ZC3H4: variants seen among roughly 807,000 people sequenced by gnomAD.
ZC3H4 encodes the protein zinc finger CCCH domain-containing protein 4.
A neutral mutation model predicts 108.3 loss-of-function variants in ZC3H4; 13 were observed. The ratio of observed to expected loss-of-function variants is 0.12; its 90% CI spans 0.08 to 0.19. The LOEUF is 0.19. ZC3H4 is among the 10% of genes least tolerant of loss of function. The pLI is 1.00. For synonymous variants in ZC3H4, 917 were observed against 749.6 expected (o/e 1.22, Z -3.65); for missense variants, 1,734 against 1,838.8 (o/e 0.94, Z 1.04).
At chr19:47,098,824 G>A (rs2057863280) in intron 2 of ZC3H4, among the ~76,000 whole-genome samples, 2 of 152,164 alleles carry the variant, frequency 1.3e-5, no homozygotes, top group African/African-American at 4.8e-5. Context: ...TATTTCAAAG[G>A]AGATATTTCA....
chr19:47,108,568 T>G (rs2057996764), intron 2 of ZC3H4, among the ~76,000 whole-genome samples: 1 of 152,180 alleles, frequency 6.6e-6, no homozygotes, highest in Non-Finnish European at 1.5e-5. Flanking sequence ...AGGCCCAATA[T>G]GAAATTGCTC....
At chr19:47,081,467 T>C (rs757256379) in intron 11 of ZC3H4, 46 bp downstream of exon 11, 1 of 1,468,308 alleles carries the variant, frequency 6.8e-7, no homozygotes, top group Non-Finnish European at 9.5e-7. Flanking sequence ...GGAGTGCGCA[T>C]GTCCCAGTTC....
chr19:47,072,874 T>C lies in ZC3H4; in HGVS notation c.1441-161A>G, dbSNP rs1438339933. On this transcript the variant is annotated intron_variant, in intron 11 of 14. Coordinates refer to ENST00000253048, the MANE Select transcript of ZC3H4 (RefSeq NM_015168.2). The surrounding 1 kb of genome is among the most constrained non-coding windows in gnomAD (Gnocchi z 5.6). ...AATGGCTCTGTAACAAAAATCATCA[T>C]CAGCCACCTCTCTGCTCCACTCTCG... Among the ~76,000 whole-genome samples the C allele has an allele frequency of 6.6e-6, 1 of 152,004 alleles. No individual in the cohort carries two copies. Among genetic ancestry groups the C allele is most frequent in the African/African-American group, 2.4e-5 (1 of 41,368 alleles).
At chr19:47,073,067 G>A (rs1404161829) in intron 11 of ZC3H4, among the ~76,000 whole-genome samples, 2 of 152,170 alleles carry the variant, frequency 1.3e-5, no homozygotes, top group African/African-American at 2.4e-5. Flanking sequence ...GAGGCCAGGA[G>A]TTCAAGACCA....
chr19:47,069,304 C>T lies in ZC3H4; in HGVS notation c.2186G>A (p.Gly729Glu), dbSNP rs757385892. 5 of 1,613,736 alleles carry T rather than the reference C, an allele frequency of 3.1e-6. No individual in the cohort carries two copies. In the Admixed American group the frequency reaches 6.7e-5, roughly 22 times the overall value. The change falls in exon 14 of 15, where the codon GGG (glycine) becomes GAG (glutamate). Residue 729 changes from glycine to glutamate, a missense_variant. By Grantham distance (98) the Gly-to-Glu change is moderately conservative. This residue lies in a region of ZC3H4 where 540 missense variants were observed against 484.1 expected (regional missense o/e 1.12). Coordinates refer to ENST00000253048, the MANE Select transcript of ZC3H4 (RefSeq NM_015168.2). The stretch of plus-strand genomic sequence containing the variant: ...AGGGTGCTCAGGGAAGAGGTGCTCC[C>T]CAGGCTCCCCTGGCAGCTCTTCGTA... The part of the protein sequence containing the change: ...GHYEELPGEP[G>E]EHLFPEHPLE...
At chr19:47,078,557 T>G (rs963656108) in intron 11 of ZC3H4, among the ~76,000 whole-genome samples, 11 of 150,598 alleles carry the variant, frequency 7.3e-5, no homozygotes, top group African/African-American at 2.7e-4. Flanking sequence ...CCGGGGCGGG[T>G]GGATCACCTG....
At chr19:47,076,017 A>T (rs1184322416) in intron 11 of ZC3H4, among the ~76,000 whole-genome samples, 1 of 152,224 alleles carries the variant, frequency 6.6e-6, no homozygotes, top group Non-Finnish European at 1.5e-5. Context: ...CACAGTTTCC[A>T]ACAGTCAGTC....
Position 47,066,706 on chromosome 19 carries a change from G to A in ZC3H4, c.3562C>T (p.Pro1188Ser). 15 of 1,609,124 alleles carry A rather than the reference G, an allele frequency of 9.3e-6. No individual in the cohort carries two copies. The highest frequency in any genetic ancestry group is 1.2e-5 in the Non-Finnish European group (14 of 1,178,780). ...GKSSASKAKE[P>S]PFVRKSALEQ... ...AGGGCAGACTTGCGGACGAACGGGGGCTCCTTAGCCTTGGAGGCCGAGCTC... is the reference window on the plus strand; with the variant it reads ...AGGGCAGACTTGCGGACGAACGGGGACTCCTTAGCCTTGGAGGCCGAGCTC... Residue 1188 changes from proline (P) to serine (S), a missense_variant, in exon 15 of 15, where the codon CCC (proline) becomes TCC (serine). Pro to Ser is a moderately conservative substitution (Grantham distance 74). Coordinates refer to ENST00000253048, the MANE Select transcript of ZC3H4 (RefSeq NM_015168.2).
chr19:47,068,988 G>A (rs574386001), intron 14 of ZC3H4, 104 bp downstream of exon 14: 1 of 1,566,184 alleles, frequency 6.4e-7, no homozygotes, highest in East Asian at 2.2e-5. Flanking sequence ...CCCTAGCCAT[G>A]GGCTCCTTCC....
At position 47,112,511 on chromosome 19, in the gene ZC3H4, G is replaced by T; in HGVS notation, c.74C>A (p.Ser25Ter). The part of the protein sequence containing the change: ...SPPPPSPPPP[S>*]TPSPPPCSPD... ...GGAACACGGAGGAGGCGAAGGCGTT[G>T]ATGGCGGCGGCGGCGATGGCGGCGG... is the stretch of plus-strand genomic sequence containing the variant. Residue 25 changes from serine (S) to a stop codon, truncating the protein, a stop_gained, in exon 2 of 15, where the codon TCA (serine) becomes TAA (stop). Transcript: ENST00000253048. LOFTEE classifies it high-confidence loss of function. The T allele has an allele frequency of 9.1e-7, 1 of 1,102,588 alleles. No homozygotes were observed. Among genetic ancestry groups the T allele is most frequent in the Non-Finnish European group, 1.2e-6 (1 of 861,610 alleles). 68.3% of individuals were successfully genotyped at this position (1,102,588 alleles called of 1,614,324 possible).
intron 2 of ZC3H4, among the ~76,000 whole-genome samples, chr19:47,107,338 T>C (rs1208796693): frequency 6.6e-6 from 1 of 151,992 alleles, no homozygotes; most frequent in Non-Finnish European, 1.5e-5. Context: ...TGTGTGGGTG[T>C]CCCCAAATGC....
intron 4 of ZC3H4, among the ~76,000 whole-genome samples, chr19:47,092,643 CCT>C (rs1199594547): frequency 2.0e-5 from 3 of 151,812 alleles, no homozygotes; most frequent in African/African-American, 7.3e-5. Context: ...ATCGTGAAAC[CCT>C]GTCTCTACTA....
intron 4 of ZC3H4, among the ~76,000 whole-genome samples, chr19:47,092,811 C>T (rs558452223): frequency 1.7e-4 from 21 of 124,756 alleles, no homozygotes; most frequent in South Asian, 1.3e-3. Flanking sequence ...AGCAAGACTC[C>T]GTCTCAATAA....
chr19:47,112,816 G>A (rs1464053982), intron 1 of ZC3H4, among the ~76,000 whole-genome samples: 1 of 152,036 alleles, frequency 6.6e-6, no homozygotes, highest in Non-Finnish European at 1.5e-5. Context: ...GCTCACTGGC[G>A]CGGGGCCCTC....
intron 2 of ZC3H4, chr19:47,110,820 G>A: frequency 3.8e-6 from 3 of 786,074 alleles, no homozygotes; most frequent in Non-Finnish European, 3.1e-6. Flanking sequence ...GAGTCGGGCT[G>A]CGATGGGCTG....
chr19:47,093,189 C>G (rs1176279807), intron 4 of ZC3H4, among the ~76,000 whole-genome samples: 1 of 135,188 alleles, frequency 7.4e-6, no homozygotes, highest in African/African-American at 2.9e-5. Flanking sequence ...GTACTCCAGC[C>G]TGGGCGACAG....
chr19:47,069,471 G>T (rs2057287579), intron 13 of ZC3H4, 128 bp from the exon 14 acceptor site: 4 of 1,236,326 alleles, frequency 3.2e-6, no homozygotes, highest in East Asian at 5.1e-5. Flanking sequence ...GCCCCTGCCT[G>T]CCCTCCCCAG....
At position 47,086,396 on chromosome 19, in the gene ZC3H4, C is replaced by T. The variant is rs563366251; in HGVS notation, c.858G>A (p.Glu286=). 2 of 1,613,626 alleles carry T rather than the reference C, an allele frequency of 1.2e-6. No individual in the cohort carries two copies. Among genetic ancestry groups the T allele is most frequent in the South Asian group, 2.2e-5 (2 of 91,032 alleles). ...DHPEDEEDFY[E]EEMDYGESEE... is the part of the protein sequence containing the mutation. ...GAGGAAACCTTACGTCCATCTCTTC[C>T]TCGTAGAAATCCTCTTCATCCTCCG... Residue 286 remains glutamate (E), a synonymous_variant, in exon 6 of 15, where the codon GAG becomes GAA. Coordinates refer to ENST00000253048, the MANE Select transcript of ZC3H4 (RefSeq NM_015168.2).
chr19:47,084,130 A>G (rs1247156865), intron 9 of ZC3H4, among the ~76,000 whole-genome samples: 1 of 152,190 alleles, frequency 6.6e-6, no homozygotes, highest in African/African-American at 2.4e-5. Context: ...TAAAACCAAA[A>G]GTCCTCATCT....
Sources: allele counts gnomAD v4.1 joint callset (sites outside exome capture counted in the v4.1 genomes callset), GRCh38; gene constraint gnomAD v4.1.1; regional missense constraint gnomAD v4.1.1; non-coding constraint Gnocchi (gnomAD v3.1); transcripts MANE v1.5; gene names NCBI Gene and HGNC (gene_info 2026-07-23, HGNC 2026-07-21).